C8orf34: variants seen among roughly 807,000 people sequenced by gnomAD.
C8orf34 encodes uncharacterized protein C8orf34.
Under a neutral mutation model 68.3 loss-of-function variants are expected in C8orf34, and 65 were observed. That is an observed-to-expected ratio of 0.95 (90% CI 0.78 to 1.17). The LOEUF (loss-of-function observed/expected upper bound fraction) is 1.17, where lower values mean the gene tolerates loss of function less well. Among genes scored for constraint, C8orf34 ranks in the 50% most tolerant of loss-of-function variants. The probability of loss-of-function intolerance (pLI) is 0.00; values close to 1 mark genes in which losing one functional copy is unlikely to be tolerated. For synonymous variants in C8orf34, 244 were observed against 241.2 expected (o/e 1.01, Z -0.11); for missense variants, 664 against 655.4 (o/e 1.01, Z -0.14).
At chr8:68,383,326 G>A (rs897683331) in intron 1 of C8orf34, among the ~76,000 whole-genome samples, 2 of 152,140 alleles carry the variant, frequency 1.3e-5, no homozygotes, top group Admixed American at 1.3e-4. Context: ...CCATAAAACT[G>A]TGTCCTCTAG....
At chr8:68,597,708 GT>G (rs1227323619) in intron 7 of C8orf34, among the ~76,000 whole-genome samples, 1 of 151,972 alleles carries the variant, frequency 6.6e-6, no homozygotes, top group Admixed American at 6.6e-5. Flanking sequence ...TGTAAGAGAA[GT>G]TTTTCTCATG....
chr8:68,358,439 C>G (rs959186332), intron 1 of C8orf34, among the ~76,000 whole-genome samples: 3 of 151,344 alleles, frequency 2.0e-5, no homozygotes, highest in African/African-American at 7.3e-5. Context: ...CTAGATAGAC[C>G]CGCACAGATG....
chr8:68,797,530 GT>G (rs1387018021), intron 12 of C8orf34, among the ~76,000 whole-genome samples: 3 of 144,752 alleles, frequency 2.1e-5, no homozygotes, highest in African/African-American at 8.0e-5. Flanking sequence ...ATGTGGCCAG[GT>G]TTTTCACCTT....
chr8:68,437,060 C>G (rs1229385456), intron 1 of C8orf34, among the ~76,000 whole-genome samples: 1 of 152,152 alleles, frequency 6.6e-6, no homozygotes, highest in Non-Finnish European at 1.5e-5. Flanking sequence ...ACCCAACATG[C>G]CCTATTGCAA....
intron 10 of C8orf34, among the ~76,000 whole-genome samples, chr8:68,756,286 T>C (rs1822858136): frequency 6.6e-6 from 1 of 152,176 alleles, no homozygotes; most frequent in South Asian, 2.1e-4. Flanking sequence ...ATATAAATGC[T>C]CTGATGCTAT....
intron 12 of C8orf34, among the ~76,000 whole-genome samples, chr8:68,803,860 A>T (rs1824404813): frequency 6.6e-6 from 1 of 151,982 alleles, no homozygotes; most frequent in Non-Finnish European, 1.5e-5. Flanking sequence ...TTTTTTGCAT[A>T]TTACATTTCA....
At chr8:68,419,616 G>A (rs2129623311) in intron 1 of C8orf34, among the ~76,000 whole-genome samples, 1 of 151,620 alleles carries the variant, frequency 6.6e-6, no homozygotes, top group East Asian at 1.9e-4. Flanking sequence ...AAGAAAATGT[G>A]GCACATATAC....
chr8:68,700,348 G>A (rs1480336695), intron 8 of C8orf34, among the ~76,000 whole-genome samples: 1 of 152,000 alleles, frequency 6.6e-6, no homozygotes, highest in Non-Finnish European at 1.5e-5. Flanking sequence ...GCTCACCAAG[G>A]TGTCAAGTTG....
intron 11 of C8orf34, among the ~76,000 whole-genome samples, chr8:68,780,131 C>G (rs1364924733): frequency 6.6e-6 from 1 of 152,176 alleles, no homozygotes; most frequent in Non-Finnish European, 1.5e-5. Context: ...GGATAACACT[C>G]TATCGCATTC....
At chr8:68,675,219 T>C (rs768637087) in intron 8 of C8orf34, among the ~76,000 whole-genome samples, 13 of 152,070 alleles carry the variant, frequency 8.5e-5, no homozygotes, top group Admixed American at 3.3e-4. Context: ...ACAAAAAATC[T>C]GAAGGTACAA....
At chr8:68,599,763 C>A (rs1817645421) in intron 7 of C8orf34, among the ~76,000 whole-genome samples, 1 of 151,884 alleles carries the variant, frequency 6.6e-6, no homozygotes, top group Non-Finnish European at 1.5e-5. Context: ...TGAAATATAC[C>A]TGTTGTAAAA....
intron 1 of C8orf34, among the ~76,000 whole-genome samples, chr8:68,389,037 C>G (rs920343594): frequency 4.6e-5 from 7 of 152,134 alleles, no homozygotes; most frequent in Non-Finnish European, 1.5e-5. Context: ...GTATGCTACC[C>G]AGGAAGTATT....
At chr8:68,473,913 T>C (rs1005690643) in intron 4 of C8orf34, among the ~76,000 whole-genome samples, 2 of 152,208 alleles carry the variant, frequency 1.3e-5, no homozygotes, top group African/African-American at 4.8e-5. Flanking sequence ...TTCTTCTGAC[T>C]CCCTGCTCAC....
intron 1 of C8orf34, among the ~76,000 whole-genome samples, chr8:68,384,169 T>G (rs1808157587): frequency 1.3e-5 from 2 of 152,230 alleles, no homozygotes; most frequent in South Asian, 2.1e-4. Flanking sequence ...CTATTATTTT[T>G]AAATTTTGTT....
chr8:68,479,723 T>G (rs1224459970), intron 4 of C8orf34, among the ~76,000 whole-genome samples: 1 of 152,136 alleles, frequency 6.6e-6, no homozygotes, highest in African/African-American at 2.4e-5. Context: ...TTCAGGATAT[T>G]AAACTTTGAG....
chr8:68,371,494 A>G (rs1807559829), intron 1 of C8orf34, among the ~76,000 whole-genome samples: 1 of 152,202 alleles, frequency 6.6e-6, no homozygotes, highest in Non-Finnish European at 1.5e-5. Flanking sequence ...GACAACTATA[A>G]GAAACAAAAG....
intron 7 of C8orf34, among the ~76,000 whole-genome samples, chr8:68,542,660 G>A (rs537503044): frequency 3.9e-5 from 6 of 152,158 alleles, no homozygotes; most frequent in Non-Finnish European, 7.4e-5. Flanking sequence ...GAGAATGTGA[G>A]TGGAGTTATT....
At chr8:68,583,548 T>C (rs1817125245) in intron 7 of C8orf34, among the ~76,000 whole-genome samples, 2 of 152,120 alleles carry the variant, frequency 1.3e-5, no homozygotes, top group South Asian at 4.1e-4. Flanking sequence ...AGATACCTAC[T>C]TAAATTATTA....
intron 1 of C8orf34, among the ~76,000 whole-genome samples, chr8:68,417,188 T>A (rs978183061): frequency 6.6e-6 from 1 of 152,198 alleles, no homozygotes; most frequent in Non-Finnish European, 1.5e-5. Context: ...AAGAAGTTAA[T>A]GGGCTTTATT....
Sources: gnomAD v4.1 joint callset for allele counts (sites outside exome capture counted in the v4.1 genomes callset) on GRCh38, gnomAD v4.1.1 for gene constraint, MANE v1.5 for transcripts, NCBI Gene and HGNC (gene_info 2026-07-23, HGNC 2026-07-21) for gene names.